QTGAL: variants seen among roughly 807,000 people sequenced by gnomAD.
QTGAL encodes queuosine-tRNA galactosyltransferase, also known as BGnT-like protein 1.
At chr17:82,963,197 C>G in the QTGAL span, among the ~76,000 whole-genome samples, 1 of 152,192 alleles carries the variant, frequency 6.6e-6, no homozygotes, top group African/African-American at 2.4e-5. Flanking sequence ...AAAGCGTGAG[C>G]TAAAGCCACT....
chr17:83,022,300 G>T, the QTGAL span, among the ~76,000 whole-genome samples: 6 of 149,040 alleles, frequency 4.0e-5, no homozygotes, highest in Admixed American at 4.0e-4. Flanking sequence ...CTGCACCAGC[G>T]TGAACTCACA....
the QTGAL span, among the ~76,000 whole-genome samples, chr17:82,952,364 G>A: frequency 6.6e-6 from 1 of 152,060 alleles, no homozygotes; most frequent in Non-Finnish European, 1.5e-5. Context: ...ACTCACCCGT[G>A]GTTATTTACC....
At chr17:83,027,699 CAAAAAAAA>C in the QTGAL span, among the ~76,000 whole-genome samples, 3 of 31,520 alleles carry the variant, frequency 9.5e-5, no homozygotes, top group Non-Finnish European at 1.3e-4. Flanking sequence ...GAGACGCTCT[CAAAAAAAA>C]AAAAAAAAAA....
At chr17:82,956,865 C>G in the QTGAL span, 20 of 1,365,830 alleles carry the variant, frequency 1.5e-5, no homozygotes, top group Non-Finnish European at 4.1e-6. The surrounding 1 kb of genome is among the most constrained non-coding windows in gnomAD (Gnocchi z 5.7). Context: ...TTGGCTCACA[C>G]AGGAGCCAGG....
chr17:82,973,251 G>A, the QTGAL span, among the ~76,000 whole-genome samples: 2 of 151,544 alleles, frequency 1.3e-5, no homozygotes, highest in African/African-American at 2.4e-5. Context: ...ACAGGAGGAC[G>A]AGTAGACACA....
the QTGAL span, chr17:83,048,716 C>T: frequency 1.4e-5 from 23 of 1,614,016 alleles, no homozygotes; most frequent in Admixed American, 2.2e-4. Flanking sequence ...CCTTCAAAGT[C>T]CTGTTGCAAA....
At chr17:83,007,363 A>G in the QTGAL span, 2 of 741,870 alleles carry the variant, frequency 2.7e-6, no homozygotes, top group African/African-American at 3.8e-5. Flanking sequence ...CATCCTGCAT[A>G]GCATCTACCT....
chr17:83,031,408 A>AC, the QTGAL span, among the ~76,000 whole-genome samples: 2 of 151,394 alleles, frequency 1.3e-5, no homozygotes, highest in African/African-American at 4.9e-5. Context: ...CCGCCAGAGC[A>AC]CCCACGGGTC....
chr17:83,005,314 A>C, the QTGAL span: 1 of 1,009,482 alleles, frequency 9.9e-7, no homozygotes, highest in African/African-American at 1.6e-5. The surrounding 1 kb of genome is among the most constrained non-coding windows in gnomAD (Gnocchi z 5.6). Context: ...AGAGATGTCC[A>C]GACAGGAAAC....
At chr17:82,957,392 C>T in the QTGAL span, 3 of 1,613,228 alleles carry the variant, frequency 1.9e-6, no homozygotes, top group South Asian at 2.2e-5. Flanking sequence ...AGCTGCGGTA[C>T]AGCCGGCGCC....
At chr17:83,032,630 T>C in the QTGAL span, among the ~76,000 whole-genome samples, 1 of 152,358 alleles carries the variant, frequency 6.6e-6, no homozygotes, top group South Asian at 2.1e-4. Context: ...GAGCTGTCCT[T>C]GGTGGATGCT....
the QTGAL span, among the ~76,000 whole-genome samples, chr17:82,977,214 G>A: frequency 6.6e-6 from 1 of 152,262 alleles, no homozygotes; most frequent in Non-Finnish European, 1.5e-5. Context: ...GAAAGCAAGA[G>A]GAAAGGGGCT....
At chr17:82,961,089 G>C in the QTGAL span, 1 of 1,610,488 alleles carries the variant, frequency 6.2e-7, no homozygotes, top group East Asian at 2.2e-5. Flanking sequence ...CCTGTGGGTG[G>C]TGGCGATACA....
At chr17:83,051,756 T>G in the QTGAL span, 3 of 1,497,332 alleles carry the variant, frequency 2.0e-6, no homozygotes, top group Non-Finnish European at 2.7e-6. Flanking sequence ...CTGCATGGCC[T>G]GGCTCTCCTC....
chr17:82,960,225 G>A, the QTGAL span: 1 of 152,386 alleles, frequency 6.6e-6, no homozygotes, highest in East Asian at 1.9e-4. Flanking sequence ...CGTGACCTTG[G>A]ACCTTAGACC....
chr17:83,005,169 G>A, the QTGAL span: 1,850 of 1,610,816 alleles, frequency 1.1e-3, 4 homozygotes, highest in Non-Finnish European at 9.4e-4. This position sits in a 1 kb window ranked among gnomAD's most constrained non-coding sequence, Gnocchi z 5.6. Context: ...TGTATCGTTC[G>A]GTGGAGTTAG....
chr17:83,039,202 C>A, the QTGAL span, among the ~76,000 whole-genome samples: 5 of 151,938 alleles, frequency 3.3e-5, no homozygotes, highest in Non-Finnish European at 5.9e-5. Context: ...TTTTGACACA[C>A]TGCTGAGCGC....
the QTGAL span, among the ~76,000 whole-genome samples, chr17:82,966,549 C>T: frequency 6.6e-6 from 1 of 152,266 alleles, no homozygotes; most frequent in Non-Finnish European, 1.5e-5. Context: ...AGAAGCAGAG[C>T]CGCCTGGCTG....
chr17:83,023,406 C>CT, the QTGAL span, among the ~76,000 whole-genome samples: 2 of 148,782 alleles, frequency 1.3e-5, no homozygotes, highest in Admixed American at 6.7e-5. Context: ...CTGCTCTCCG[C>CT]TGTTTTCTAA....
Sources: allele counts gnomAD v4.1 joint callset (sites outside exome capture counted in the v4.1 genomes callset), GRCh38; gene constraint gnomAD v4.1.1; non-coding constraint Gnocchi (gnomAD v3.1); transcripts MANE v1.5; gene names NCBI Gene and HGNC (gene_info 2026-07-23, HGNC 2026-07-21).